Variants in RAB38 observed in about 807,000 individuals in gnomAD.
RAB38 encodes the protein RAB38, member RAS oncogene family.
A neutral mutation model predicts 18.4 loss-of-function variants in RAB38; 15 were observed. The observed-to-expected ratio is 0.82, with a 90% CI of 0.55 to 1.26. RAB38 has a LOEUF of 1.26. Ranked by LOEUF, RAB38 falls within the 50% of genes most tolerant of loss-of-function variation. The probability of loss-of-function intolerance (pLI) is 0.00; values close to 1 mark genes in which losing one functional copy is unlikely to be tolerated. For missense variants in RAB38, 294 were observed against 267.4 expected, an observed-to-expected ratio of 1.10 and a Z score of -0.69; for synonymous variants, 101 against 104.4, an observed-to-expected ratio of 0.97 and a Z score of 0.20.
At chr11:87,961,460 G>A in the RAB38 span, among the ~76,000 whole-genome samples, 1 of 152,244 alleles carries the variant, frequency 6.6e-6, no homozygotes, top group South Asian at 2.1e-4. Flanking sequence ...CAAGTGGCCA[G>A]CCATGGCATT....
chr11:87,821,838 G>A, the RAB38 span, among the ~76,000 whole-genome samples: 2 of 146,546 alleles, frequency 1.4e-5, no homozygotes, highest in Admixed American at 7.1e-5. Context: ...GCGAAAGAGC[G>A]ACACTCCGTC....
At chr11:88,079,859 A>C in the RAB38 span, among the ~76,000 whole-genome samples, 1 of 151,714 alleles carries the variant, frequency 6.6e-6, no homozygotes. Flanking sequence ...TTAAGATAAA[A>C]ACTCTTAATA....
At chr11:88,129,411 T>A (rs1226647663) in intron 2 of RAB38, among the ~76,000 whole-genome samples, 4 of 152,088 alleles carry the variant, frequency 2.6e-5, no homozygotes, top group South Asian at 4.1e-4. Flanking sequence ...GAGGCTGAAG[T>A]GGGCGGATCA....
chr11:88,015,802 T>A, the RAB38 span, among the ~76,000 whole-genome samples: 4 of 152,164 alleles, frequency 2.6e-5, no homozygotes, highest in Admixed American at 6.6e-5. Flanking sequence ...TGTTTCCAGT[T>A]GGGCTTTGGA....
At chr11:88,032,224 T>C in the RAB38 span, among the ~76,000 whole-genome samples, 11 of 152,078 alleles carry the variant, frequency 7.2e-5, no homozygotes, top group African/African-American at 2.4e-4. Flanking sequence ...TATACAAAAA[T>C]CAATTCAAGA....
the RAB38 span, among the ~76,000 whole-genome samples, chr11:87,965,746 C>A: frequency 1.1e-4 from 16 of 152,122 alleles, no homozygotes; most frequent in Non-Finnish European, 1.6e-4. Flanking sequence ...CTGCAGGAAA[C>A]AATGAAGCCA....
chr11:87,940,341 C>T, the RAB38 span, among the ~76,000 whole-genome samples: 1 of 152,010 alleles, frequency 6.6e-6, no homozygotes, highest in Non-Finnish European at 1.5e-5. Context: ...CTCTCTTTGC[C>T]CAGACACAGT....
At chr11:87,938,703 G>T in the RAB38 span, among the ~76,000 whole-genome samples, 1 of 147,054 alleles carries the variant, frequency 6.8e-6, no homozygotes, top group South Asian at 2.1e-4. Flanking sequence ...TTTTGTTGGG[G>T]TTTTAAAATT....
chr11:87,968,570 C>T, the RAB38 span, among the ~76,000 whole-genome samples: 2 of 151,988 alleles, frequency 1.3e-5, no homozygotes, highest in Non-Finnish European at 2.9e-5. Flanking sequence ...GACAATAATT[C>T]TATCAATATT....
chr11:87,925,018 G>A, the RAB38 span, among the ~76,000 whole-genome samples: 1 of 151,988 alleles, frequency 6.6e-6, no homozygotes, highest in Non-Finnish European at 1.5e-5. Flanking sequence ...GGAGGTTGGT[G>A]TGCTCAGTGG....
At chr11:88,128,295 C>G (rs895244002) in intron 2 of RAB38, among the ~76,000 whole-genome samples, 2 of 152,240 alleles carry the variant, frequency 1.3e-5, no homozygotes, top group Non-Finnish European at 2.9e-5. Context: ...CTGAGACTAT[C>G]TCAAGCTCTT....
At chr11:88,027,987 G>A in the RAB38 span, among the ~76,000 whole-genome samples, 1 of 152,194 alleles carries the variant, frequency 6.6e-6, no homozygotes, top group African/African-American at 2.4e-5. Context: ...CCCAGCAGGG[G>A]CAGACTGACA....
the RAB38 span, among the ~76,000 whole-genome samples, chr11:88,015,395 T>C: frequency 1.3e-5 from 2 of 152,192 alleles, no homozygotes; most frequent in African/African-American, 4.8e-5. Context: ...TGACTACTCA[T>C]TGTAACCTTG....
the RAB38 span, among the ~76,000 whole-genome samples, chr11:87,921,550 T>C: frequency 6.7e-6 from 1 of 148,258 alleles, no homozygotes; most frequent in East Asian, 2.0e-4. Context: ...TCTCTCTATA[T>C]ATAAAATATT....
At chr11:87,891,773 A>G in the RAB38 span, among the ~76,000 whole-genome samples, 1 of 151,910 alleles carries the variant, frequency 6.6e-6, no homozygotes, top group African/African-American at 2.4e-5. Context: ...ACTAGGAATC[A>G]GGAGTAAACA....
chr11:88,021,874 T>C, the RAB38 span, among the ~76,000 whole-genome samples: 1 of 146,260 alleles, frequency 6.8e-6, no homozygotes, highest in Non-Finnish European at 1.5e-5. Flanking sequence ...AAAAAAGTAT[T>C]CTTTTTTTAT....
chr11:87,963,390 G>A, the RAB38 span, among the ~76,000 whole-genome samples: 1 of 151,990 alleles, frequency 6.6e-6, no homozygotes. Flanking sequence ...CAAAAAATGT[G>A]GGCATTTCTG....
chr11:88,009,920 A>G, the RAB38 span, among the ~76,000 whole-genome samples: 2 of 152,214 alleles, frequency 1.3e-5, no homozygotes, highest in African/African-American at 4.8e-5. Context: ...TTACCTATAC[A>G]TAAGTGAGAT....
the RAB38 span, among the ~76,000 whole-genome samples, chr11:88,104,338 T>C: frequency 1.3e-5 from 2 of 152,054 alleles, no homozygotes; most frequent in Non-Finnish European, 2.9e-5. Context: ...TACTGAAACT[T>C]AACTGATGTT....
Sources: gnomAD v4.1 joint callset for allele counts (sites outside exome capture counted in the v4.1 genomes callset) on GRCh38, gnomAD v4.1.1 for gene constraint, MANE v1.5 for transcripts, NCBI Gene and HGNC (gene_info 2026-07-23, HGNC 2026-07-21) for gene names.